Variants in ZMYND11 observed in about 807,000 individuals in gnomAD.
ZMYND11 encodes the protein zinc finger MYND-type containing 11.
ZMYND11 carries 9 observed loss-of-function variants against 84.9 expected under a neutral mutation model. That is an observed-to-expected ratio of 0.11 (90% CI 0.06 to 0.18). The LOEUF (loss-of-function observed/expected upper bound fraction) is 0.18, where lower values mean the gene tolerates loss of function less well. ZMYND11 is among the 10% of genes least tolerant of loss of function. ZMYND11 has a pLI of 1.00. For missense variants in ZMYND11, 409 were observed against 761.0 expected (o/e 0.54, Z 5.44); for synonymous variants, 250 against 244.1 (o/e 1.02, Z -0.23).
chr10:246,164 A>T (rs1952111024), intron 10 of ZMYND11, among the ~76,000 whole-genome samples: 2 of 152,226 alleles, frequency 1.3e-5, no homozygotes, highest in Admixed American at 1.3e-4. Flanking sequence ...GTTCACAGCT[A>T]AGTACACTGT....
Position 246,832 on chromosome 10 carries a change from C to T in ZMYND11, c.1017C>T (p.Arg339=), listed in dbSNP as rs1394710987. ...ACATTCATCGGCTGCACGTGAAGCG[C>T]AGTATGGGTTGGAAAAAGGCCTGTG... ...TVNIHRLHVK[R]SMGWKKACDE... is the part of the protein sequence containing the mutation. Residue 339 remains arginine, a synonymous_variant, in exon 11 of 15, where the codon CGC becomes CGT. Transcript: ENST00000381604. 2.5e-6 allele frequency: 4 copies of T among 1,614,104 alleles called. No individual in the cohort carries two copies. In the South Asian group the frequency reaches 4.4e-5, roughly 18 times the overall value.
At chr10:146,389 C>T (rs1476326683) in intron 1 of ZMYND11, among the ~76,000 whole-genome samples, 1 of 152,034 alleles carries the variant, frequency 6.6e-6, no homozygotes, top group African/African-American at 2.4e-5. Flanking sequence ...TAGGATTTTT[C>T]TCTATTTCTA....
chr10:196,551 TTAG>T (rs2131002231), intron 2 of ZMYND11, among the ~76,000 whole-genome samples: 1 of 152,318 alleles, frequency 6.6e-6, no homozygotes, highest in South Asian at 2.1e-4. Context: ...TTCAACAAAA[TTAG>T]TAGGTTATAC....
chr10:175,166 G>A (rs540636438), intron 1 of ZMYND11, among the ~76,000 whole-genome samples: 14 of 152,202 alleles, frequency 9.2e-5, no homozygotes, highest in Admixed American at 4.6e-4. Flanking sequence ...TCTGGTGTGG[G>A]ATGTTGATAA....
chr10:133,279 C>T (rs1432219446), upstream of ZMYND11, among the ~76,000 whole-genome samples: 16 of 152,158 alleles, frequency 1.1e-4, no homozygotes, highest in African/African-American at 3.6e-4. Flanking sequence ...GAATAGCTGT[C>T]AGTATTTATT....
chr10:248,147 G>A (rs753731301), intron 12 of ZMYND11, among the ~76,000 whole-genome samples, 189 bp from the exon 13 acceptor site: 3 of 152,060 alleles, frequency 2.0e-5, no homozygotes, highest in Non-Finnish European at 4.4e-5. Context: ...CACTAATTGG[G>A]GGAGATTTGT....
At chr10:195,803 A>T (rs1941592994) in intron 2 of ZMYND11, among the ~76,000 whole-genome samples, 1 of 152,162 alleles carries the variant, frequency 6.6e-6, no homozygotes, top group African/African-American at 2.4e-5. Flanking sequence ...TTCCTAACAT[A>T]GGAGGTGATT....
chr10:186,644 A>C (rs1418796914), intron 2 of ZMYND11, among the ~76,000 whole-genome samples: 1 of 1,868 alleles, frequency 5.4e-4, no homozygotes, highest in Non-Finnish European at 2.1e-3. Context: ...GACTCTCTCA[A>C]AAAAAAAAAA....
chr10:161,296 A>G (rs1180360365), intron 1 of ZMYND11, among the ~76,000 whole-genome samples: 1 of 152,220 alleles, frequency 6.6e-6, no homozygotes, highest in Non-Finnish European at 1.5e-5. Context: ...AAGTCTCAAC[A>G]GTGAGATTAA....
chr10:217,610 T>C, intron 3 of ZMYND11, among the ~76,000 whole-genome samples: 1 of 152,126 alleles, frequency 6.6e-6, no homozygotes, highest in East Asian at 1.9e-4. Flanking sequence ...ATTATAAGCA[T>C]GTTCTATCAT....
chr10:229,217 A>G (rs138340211), intron 4 of ZMYND11, among the ~76,000 whole-genome samples: 2,537 of 152,300 alleles, frequency 0.017, 21 homozygotes, highest in Admixed American at 0.029. Context: ...CATTTTGTAA[A>G]TGTGGATGAA....
In ZMYND11 at chr10:176,479, T is replaced by G. The variant is rs189691619; in HGVS notation, c.-19-3515T>G. Reference sequence around the variant, plus strand: ...AAGGTTCACTCTGGGCTCTTGTTATTTACATAACAGCTGAAAAAAAGTGAA... The same window carrying G: ...AAGGTTCACTCTGGGCTCTTGTTATGTACATAACAGCTGAAAAAAAGTGAA... On this transcript the variant is annotated intron_variant, in intron 1 of 14. Coordinates refer to ENST00000381604, the MANE Select transcript of ZMYND11 (RefSeq NM_001370100.5). Among the ~76,000 whole-genome samples the G allele has an allele frequency of 2.0e-3, 312 of 152,282 alleles. 2 individuals are homozygous for G. The highest frequency in any genetic ancestry group is 0.017 in the Middle Eastern group (5 of 294).
intron 4 of ZMYND11, among the ~76,000 whole-genome samples, chr10:234,094 T>C (rs1416434171): frequency 6.6e-6 from 1 of 152,210 alleles, no homozygotes; most frequent in East Asian, 1.9e-4. Context: ...GTTTTAGCAA[T>C]AGTGATATTA....
At chr10:132,996 G>C (rs1055516554), upstream of ZMYND11, among the ~76,000 whole-genome samples, 4 of 152,180 alleles carry the variant, frequency 2.6e-5, no homozygotes, top group Non-Finnish European at 4.4e-5. Context: ...ATTAGTTACT[G>C]GTCTTCTGGG....
At chr10:232,983 C>G (rs908296637) in intron 4 of ZMYND11, among the ~76,000 whole-genome samples, 3 of 152,334 alleles carry the variant, frequency 2.0e-5, no homozygotes, top group African/African-American at 7.2e-5. Flanking sequence ...AGATACACCA[C>G]TTTACATCTT....
chr10:199,312 TCCC>T (rs1942548298), intron 2 of ZMYND11, among the ~76,000 whole-genome samples: 1 of 1,654 alleles, frequency 6.0e-4, no homozygotes, highest in African/African-American at 7.2e-4. Context: ...CCTCTCTTCC[TCCC>T]TCCCTCCCTC....
chr10:160,833 T>C (rs945619712), intron 1 of ZMYND11, among the ~76,000 whole-genome samples: 2 of 152,040 alleles, frequency 1.3e-5, no homozygotes, highest in African/African-American at 4.8e-5. Context: ...CTAGGGCTCC[T>C]CCCATTTCCA....
chr10:243,435 G>T (rs994986287), intron 10 of ZMYND11, among the ~76,000 whole-genome samples: 2 of 152,122 alleles, frequency 1.3e-5, no homozygotes, highest in African/African-American at 4.8e-5. Flanking sequence ...CTGATAATTA[G>T]AACTTTTTAT....
chr10:212,637 A>C (rs1253150141), intron 3 of ZMYND11, among the ~76,000 whole-genome samples: 1 of 152,094 alleles, frequency 6.6e-6, no homozygotes, highest in East Asian at 1.9e-4. Flanking sequence ...GGGCATATTA[A>C]TATCTATTTC....
Sources: gnomAD v4.1 joint callset for allele counts (sites outside exome capture counted in the v4.1 genomes callset) on GRCh38, gnomAD v4.1.1 for gene constraint, MANE v1.5 for transcripts, NCBI Gene and HGNC (gene_info 2026-07-23, HGNC 2026-07-21) for gene names.